The following PHACTR1 variants were observed in gnomAD, a reference collection of about 807,000 sequenced individuals.
The protein encoded by PHACTR1 is phosphatase and actin regulator 1, also known as RPEL repeat containing 1.
In PHACTR1, 16 loss-of-function variants were observed where a neutral mutation model predicts 69.2. The observed-to-expected ratio is 0.23, with a 90% CI of 0.16 to 0.35. PHACTR1 has a LOEUF of 0.35. Ranked by LOEUF, PHACTR1 falls within the 10% of genes least tolerant of loss-of-function variation. The probability of loss-of-function intolerance (pLI) is 1.00; values close to 1 mark genes in which losing one functional copy is unlikely to be tolerated. For synonymous variants in PHACTR1, 312 were observed against 284.5 expected (o/e 1.10, Z -0.97); for missense variants, 510 against 734.7 (o/e 0.69, Z 3.54).
chr6:13,269,137 A>AG (rs35742117), intron 10 of PHACTR1, among the ~76,000 whole-genome samples: 116,742 of 151,642 alleles, frequency 0.77, 45,909 homozygotes, highest in Non-Finnish European at 0.86. Context: ...CTGATCTCCA[A>AG]ATGTAGGCGC....
chr6:13,260,499 C>T (rs1157768177), intron 10 of PHACTR1, among the ~76,000 whole-genome samples: 4 of 152,336 alleles, frequency 2.6e-5, no homozygotes, highest in South Asian at 2.1e-4. Flanking sequence ...CGCCTCCCAA[C>T]TTCTCCTCTG....
intron 4 of PHACTR1, among the ~76,000 whole-genome samples, chr6:12,807,734 G>A (rs1020802860): frequency 6.6e-6 from 1 of 152,174 alleles, no homozygotes; most frequent in African/African-American, 2.4e-5. Context: ...TTTGTGAACT[G>A]AGCATCACAG....
chr6:13,252,422 A>G (rs1562071647), intron 10 of PHACTR1, among the ~76,000 whole-genome samples: 1 of 151,996 alleles, frequency 6.6e-6, no homozygotes, highest in African/African-American at 2.4e-5. Flanking sequence ...TTGACTCTCC[A>G]TTTTCCATTC....
At chr6:13,019,267 T>C (rs956245195) in intron 4 of PHACTR1, among the ~76,000 whole-genome samples, 2 of 152,108 alleles carry the variant, frequency 1.3e-5, no homozygotes, top group Non-Finnish European at 2.9e-5. Context: ...TATGCAAAAG[T>C]AGACATAATA....
chr6:13,012,086 C>T (rs1269887079), intron 4 of PHACTR1, among the ~76,000 whole-genome samples: 1 of 152,218 alleles, frequency 6.6e-6, no homozygotes, highest in East Asian at 1.9e-4. Flanking sequence ...TTACAGAGAC[C>T]TGCATTCTAC....
At position 13,095,433 on chromosome 6, in the gene PHACTR1, G is replaced by C. The variant is rs1158916072; in HGVS notation, c.415+41904G>C. The stretch of plus-strand genomic sequence containing the variant: ...TCACTTTTAGGTGATGTTCTGCTAG[G>C]TCTGCAGGATGCAAGTAAAATAGAC... On this transcript the variant is annotated intron_variant, in intron 5 of 14. Transcript: ENST00000332995. Among the ~76,000 whole-genome samples, 3 of 152,174 alleles carry C rather than the reference G, an allele frequency of 2.0e-5. No individual in the cohort carries two copies. The East Asian group carries it at 5.8e-4, about 29-fold the overall frequency.
At chr6:13,026,572 C>T (rs909881102) in intron 4 of PHACTR1, among the ~76,000 whole-genome samples, 2 of 151,986 alleles carry the variant, frequency 1.3e-5, no homozygotes, top group African/African-American at 2.4e-5. Flanking sequence ...AGGAAGGAGA[C>T]GGATTTCTCT....
At chr6:12,889,938 G>T (rs888079480) in intron 4 of PHACTR1, among the ~76,000 whole-genome samples, 3 of 151,896 alleles carry the variant, frequency 2.0e-5, no homozygotes, top group Non-Finnish European at 4.4e-5. Flanking sequence ...CTGGTCCAGG[G>T]CACCCTCAAA....
Position 13,283,677 on chromosome 6 carries a change from C to T in PHACTR1, c.1650+115C>T. 6.6e-7 allele frequency: 1 copy of T among 1,508,254 alleles called. No homozygotes were observed. The highest frequency in any genetic ancestry group is 9.1e-7 in the Non-Finnish European group (1 of 1,094,752). The allele number at this position is 1,508,254 out of a possible 1,614,324, so 93.4% of individuals were successfully genotyped here. ...GCAGCCAGGCCTCAGCCGCAGTCCC[C>T]ATAATGGAGTGTTGAGACCCCAACA... On this transcript the variant is annotated intron_variant, in intron 13 of 14. Coordinates refer to ENST00000332995, the MANE Select transcript of PHACTR1 (RefSeq NM_030948.6). This position sits in a 1 kb window ranked among gnomAD's most constrained non-coding sequence, Gnocchi z 4.7.
chr6:12,978,064 C>T (rs1795101569), intron 4 of PHACTR1, among the ~76,000 whole-genome samples: 1 of 152,234 alleles, frequency 6.6e-6, no homozygotes, highest in South Asian at 2.1e-4. Context: ...CAAGGCAAAT[C>T]TGCCTGTATG....
intron 4 of PHACTR1, among the ~76,000 whole-genome samples, chr6:13,022,969 A>G (rs4580848): frequency 0.18 from 27,353 of 152,026 alleles, 2,780 homozygotes; most frequent in South Asian, 0.26. Context: ...GTGAGCTGAG[A>G]TCACACCACT....
chr6:13,096,853 T>C (rs571572955), intron 5 of PHACTR1, among the ~76,000 whole-genome samples: 53 of 152,348 alleles, frequency 3.5e-4, no homozygotes, highest in African/African-American at 1.0e-3. Flanking sequence ...TCAAGAGGCA[T>C]GTAGCTTCTC....
intron 3 of PHACTR1, among the ~76,000 whole-genome samples, chr6:12,720,278 C>T (rs567599134): frequency 2.6e-5 from 4 of 152,280 alleles, no homozygotes; most frequent in African/African-American, 9.6e-5. Flanking sequence ...TGCTCCGTAG[C>T]GGGGTCATCC....
At chr6:12,866,296 G>C (rs35227817) in intron 4 of PHACTR1, among the ~76,000 whole-genome samples, 1 of 152,040 alleles carries the variant, frequency 6.6e-6, no homozygotes, top group South Asian at 2.1e-4. Context: ...TATATTATAG[G>C]ACCTGAGCTT....
At chr6:13,219,336 C>A (rs371686039) in intron 8 of PHACTR1, among the ~76,000 whole-genome samples, 1 of 152,112 alleles carries the variant, frequency 6.6e-6, no homozygotes, top group East Asian at 1.9e-4. Context: ...TGAGCTTACT[C>A]GTTAGTGGGA....
chr6:13,131,003 A>G (rs1820314081), intron 5 of PHACTR1, among the ~76,000 whole-genome samples: 1 of 152,198 alleles, frequency 6.6e-6, no homozygotes, highest in Admixed American at 6.5e-5. Flanking sequence ...TTGGTTTAAC[A>G]TATACAAGTG....
At chr6:13,200,474 C>A in intron 7 of PHACTR1, among the ~76,000 whole-genome samples, 1 of 152,144 alleles carries the variant, frequency 6.6e-6, no homozygotes, top group Non-Finnish European at 1.5e-5. Flanking sequence ...AAATGTCTGG[C>A]CCAAAGATTC....
intron 10 of PHACTR1, among the ~76,000 whole-genome samples, chr6:13,271,036 T>A (rs1160640171): frequency 6.7e-6 from 1 of 149,516 alleles, no homozygotes; most frequent in Non-Finnish European, 1.5e-5. Context: ...TTTGAGACAG[T>A]CTCACTTTGT....
chr6:12,748,626 C>A (rs964589341), intron 3 of PHACTR1, among the ~76,000 whole-genome samples: 10 of 152,184 alleles, frequency 6.6e-5, no homozygotes, highest in African/African-American at 2.2e-4. Flanking sequence ...GGTAGGGTTG[C>A]AGGGGGCAGT....
Sources: allele counts gnomAD v4.1 joint callset (sites outside exome capture counted in the v4.1 genomes callset), GRCh38; gene constraint gnomAD v4.1.1; non-coding constraint Gnocchi (gnomAD v3.1); transcripts MANE v1.5; gene names NCBI Gene and HGNC (gene_info 2026-07-23, HGNC 2026-07-21).